Variants in VIPR2 observed in about 807,000 individuals in gnomAD.
VIPR2 encodes the protein vasoactive intestinal polypeptide receptor 2.
Under a neutral mutation model 58.0 loss-of-function variants are expected in VIPR2, and 48 were observed. That is an observed-to-expected ratio of 0.83 (90% confidence interval 0.66 to 1.05). The LOEUF (loss-of-function observed/expected upper bound fraction) is 1.05, where lower values mean the gene tolerates loss of function less well. Among genes scored for constraint, VIPR2 ranks in the 50% least tolerant of loss-of-function variants. VIPR2 has a pLI of 0.00. For missense variants in VIPR2, 534 were observed against 558.0 expected (o/e 0.96, Z 0.43); for synonymous variants, 243 against 235.2 (o/e 1.03, Z -0.30).
intron 2 of VIPR2, among the ~76,000 whole-genome samples, chr7:159,138,376 T>C (rs35595971): frequency 0.17 from 25,317 of 152,194 alleles, 2,258 homozygotes; most frequent in African/African-American, 0.23. Flanking sequence ...ATAGTGTCAT[T>C]TGGTCATAGG....
chr7:159,118,512 T>C (rs1389352098), intron 2 of VIPR2, among the ~76,000 whole-genome samples: 3 of 152,174 alleles, frequency 2.0e-5, no homozygotes, highest in Non-Finnish European at 2.9e-5. Flanking sequence ...TGCCTCTTCC[T>C]GTGCAGTGCT....
At position 159,060,057 on chromosome 7, in the gene VIPR2, A is replaced by T. The variant is rs540182508; in HGVS notation, c.358-1479T>A. On this transcript the variant is annotated intron_variant, in intron 4 of 12. Coordinates refer to ENST00000262178, the MANE Select transcript of VIPR2 (RefSeq NM_003382.5). ...CTCACTTCACTTACCCACCACCCTC[A>T]CCTCACGGAACCCATCTTCACCTCA... is the stretch of plus-strand genomic sequence containing the variant. Among the ~76,000 whole-genome samples the T allele has an allele frequency of 1.9e-4, 27 of 145,416 alleles. No individual in the cohort carries two copies. In the East Asian group the frequency reaches 3.1e-3, roughly 17 times the overall value.
chr7:159,029,659 CAGGT>C lies in VIPR2; in HGVS notation c.*953_*956del, dbSNP rs1305484882. 1 of 152,302 alleles carries C rather than the reference CAGGT, an allele frequency of 6.6e-6. No individual in the cohort carries two copies. The highest frequency in any genetic ancestry group is 2.4e-5 in the African/African-American group (1 of 41,462). The allele number at this position is 152,302 out of a possible 1,614,324, so 9.4% of individuals were successfully genotyped here. A position where few individuals can be genotyped will look rare whatever the true frequency, so the allele number is the denominator to read the frequency against. The stretch of plus-strand genomic sequence containing the variant: ...AGGCTCTGCGGCTCCCACAGGGCGG[CAGGT>C]GACCTCCTGAGGCAGAGCCAGAGCT... On this transcript the variant is annotated 3_prime_UTR_variant, in exon 13 of 13. Coordinates refer to ENST00000262178, the MANE Select transcript of VIPR2 (RefSeq NM_003382.5).
chr7:159,123,237 G>A (rs562814288), intron 2 of VIPR2, among the ~76,000 whole-genome samples: 8 of 135,156 alleles, frequency 5.9e-5, no homozygotes, highest in African/African-American at 2.2e-4. Flanking sequence ...AGGTTGCAGT[G>A]AGCCAAGGTC....
chr7:159,129,617 G>C (rs113353934), intron 2 of VIPR2, among the ~76,000 whole-genome samples: 1 of 5,976 alleles, frequency 1.7e-4, no homozygotes, highest in African/African-American at 7.8e-4. Context: ...CTGGCCTCTG[G>C]GGGGGACAGG....
At chr7:159,034,992 GCTTCCCCTCA>G (rs1442300668) in intron 8 of VIPR2, among the ~76,000 whole-genome samples, 1 of 152,144 alleles carries the variant, frequency 6.6e-6, no homozygotes, top group Non-Finnish European at 1.5e-5. Context: ...CTGAAAATTA[GCTTCCCCTCA>G]CCTCCCGAAT....
chr7:159,116,358 TG>T, intron 2 of VIPR2, among the ~76,000 whole-genome samples: 1 of 152,320 alleles, frequency 6.6e-6, no homozygotes, highest in Admixed American at 6.5e-5. Flanking sequence ...CAGAGTCACA[TG>T]GGCCCTCCAG....
At chr7:159,105,372 C>T (rs1264661734) in intron 3 of VIPR2, among the ~76,000 whole-genome samples, 1 of 152,152 alleles carries the variant, frequency 6.6e-6, no homozygotes, top group Non-Finnish European at 1.5e-5. Context: ...AATATTTTCA[C>T]TCCCGTGACT....
At chr7:159,064,978 T>C (rs1485924283) in intron 4 of VIPR2, among the ~76,000 whole-genome samples, 2 of 152,034 alleles carry the variant, frequency 1.3e-5, no homozygotes, top group Non-Finnish European at 2.9e-5. Flanking sequence ...CTGCCCACCT[T>C]CCAGAAGCAG....
chr7:159,119,434 C>CG (rs998565158), intron 2 of VIPR2, among the ~76,000 whole-genome samples: 5 of 152,300 alleles, frequency 3.3e-5, no homozygotes, highest in Non-Finnish European at 1.5e-5. Context: ...TCTCCAGACT[C>CG]GGACTCATGC....
chr7:159,097,879 T>C lies in VIPR2; in HGVS notation c.357+5878A>G, dbSNP rs538855427. On this transcript the variant is annotated intron_variant, in intron 4 of 12. Transcript: ENST00000262178. The surrounding 1 kb of genome is among the most constrained non-coding windows in gnomAD (Gnocchi z 5.3). ...GGGTGGGTTCTCAGGCCTGGACTGC[T>C]GAGGCCAAGGCTTCTGGCCTCTCGT... is the stretch of plus-strand genomic sequence containing the variant. Among the ~76,000 whole-genome samples the C allele has an allele frequency of 6.6e-6, 1 of 152,178 alleles. No individual in the cohort carries two copies. Among genetic ancestry groups the C allele is most frequent in the African/African-American group, 2.4e-5 (1 of 41,448 alleles).
At chr7:159,135,376 G>A (rs1797172820) in intron 2 of VIPR2, among the ~76,000 whole-genome samples, 1 of 152,070 alleles carries the variant, frequency 6.6e-6, no homozygotes, top group Non-Finnish European at 1.5e-5. Context: ...AGGTTGCAGT[G>A]AGCCCAGATC....
At chr7:159,087,200 C>T (rs1209738721) in intron 4 of VIPR2, among the ~76,000 whole-genome samples, 4 of 148,088 alleles carry the variant, frequency 2.7e-5, no homozygotes, top group Admixed American at 6.8e-5. Context: ...GATATGGCTT[C>T]CCCAACAAAC....
chr7:159,032,069 T>C lies in VIPR2; in HGVS notation c.972-2A>G. 1 of 1,613,920 alleles carries C rather than the reference T, an allele frequency of 6.2e-7. No homozygotes were observed. The highest frequency in any genetic ancestry group is 1.1e-5 in the South Asian group (1 of 91,052). On this transcript the variant is annotated splice_acceptor_variant, in intron 10 of 12. Transcript: ENST00000262178. LOFTEE classifies it high-confidence loss of function. ...AGGAGCGTGGACTTGGCCAGCCTCCTGCACAGAAGGAGATGAGCCAGCTCA... is the reference window on the plus strand; with the variant it reads ...AGGAGCGTGGACTTGGCCAGCCTCCCGCACAGAAGGAGATGAGCCAGCTCA...
chr7:159,084,424 G>T (rs1323806930), intron 4 of VIPR2, among the ~76,000 whole-genome samples: 3 of 152,240 alleles, frequency 2.0e-5, no homozygotes, highest in Non-Finnish European at 4.4e-5. Flanking sequence ...AGGATGTGGG[G>T]GCCCCTGGCG....
chr7:159,101,083 G>C (rs1858190749), intron 4 of VIPR2, among the ~76,000 whole-genome samples: 2 of 148,994 alleles, frequency 1.3e-5, no homozygotes, highest in Non-Finnish European at 3.0e-5. Context: ...CTGTGGTAGT[G>C]AACGGGTCTC....
chr7:159,144,464 A>T, intron 1 of VIPR2: 1 of 1,540,064 alleles, frequency 6.5e-7, no homozygotes, highest in Non-Finnish European at 8.8e-7. Flanking sequence ...TTTCCAGCAA[A>T]CCCCGGACGG....
intron 4 of VIPR2, among the ~76,000 whole-genome samples, chr7:159,082,682 A>T (rs540824113): frequency 6.6e-6 from 1 of 152,356 alleles, no homozygotes; most frequent in East Asian, 1.9e-4. Flanking sequence ...CTGTTCGCCC[A>T]TTTCCTTTGG....
chr7:159,084,217 T>C (rs952173876), intron 4 of VIPR2, among the ~76,000 whole-genome samples: 1 of 152,278 alleles, frequency 6.6e-6, no homozygotes, highest in African/African-American at 2.4e-5. Context: ...GCAAAGGCCA[T>C]GCCTCTGAGT....
Sources: gnomAD v4.1 joint callset for allele counts (sites outside exome capture counted in the v4.1 genomes callset) on GRCh38, gnomAD v4.1.1 for gene constraint, Gnocchi (gnomAD v3.1) non-coding constraint, MANE v1.5 for transcripts, NCBI Gene and HGNC (gene_info 2026-07-23, HGNC 2026-07-21) for gene names.